Variants in TRPM3 observed in about 807,000 individuals in gnomAD.
TRPM3 encodes the protein transient receptor potential cation channel subfamily M member 3.
A neutral mutation model predicts 181.2 loss-of-function variants in TRPM3; 77 were observed. That is an observed-to-expected ratio of 0.42 (90% CI 0.35 to 0.51). TRPM3 has a LOEUF of 0.51. Ranked by LOEUF, TRPM3 falls within the 20% of genes least tolerant of loss-of-function variation. TRPM3 has a pLI of 0.01. For missense variants in TRPM3, 1,759 were observed against 2,196.7 expected, an observed-to-expected ratio of 0.80 and a Z score of 3.98; for synonymous variants, 745 against 796.4, an observed-to-expected ratio of 0.94 and a Z score of 1.09.
At position 70,537,028 on chromosome 9, in the gene TRPM3, A is replaced by G. The variant is rs1298160907; in HGVS notation, c.4085T>C (p.Ile1362Thr). ...YSVNMKDKGG[I>T]EKLESIFKER... ...TTTAAAAATACTTTCCAACTTTTCT[A>G]TACCACCTTTGTCTTTCATATTGAC... Residue 1362 changes from isoleucine to threonine, a missense_variant, in exon 26 of 26, where the codon ATA (isoleucine) becomes ACA (threonine). Physicochemically the swap from Ile to Thr is moderately conservative, Grantham distance 89 (BLOSUM62 -1). This residue lies in a region of TRPM3 where 612 missense variants were observed against 590.0 expected (regional missense o/e 1.04). Coordinates refer to ENST00000677713, the MANE Select transcript of TRPM3 (RefSeq NM_001366145.2). 3 of 1,610,842 alleles carry G rather than the reference A, an allele frequency of 1.9e-6. No individual in the cohort carries two copies. Among genetic ancestry groups the G allele is most frequent in the Non-Finnish European group, 2.5e-6 (3 of 1,177,212 alleles).
chr9:71,439,479 C>T (rs1253415710), intron 1 of TRPM3, among the ~76,000 whole-genome samples: 3 of 152,100 alleles, frequency 2.0e-5, no homozygotes, highest in African/African-American at 7.2e-5. Flanking sequence ...TGATGGAAGA[C>T]AATAAGATTC....
chr9:71,195,835 T>C (rs368462468), intron 1 of TRPM3, among the ~76,000 whole-genome samples: 1 of 152,092 alleles, frequency 6.6e-6, no homozygotes, highest in South Asian at 2.1e-4. Context: ...AGGGCCATTA[T>C]CCTTAGCAAG....
At chr9:71,400,769 G>T (rs559346060) in intron 1 of TRPM3, among the ~76,000 whole-genome samples, 1 of 150,832 alleles carries the variant, frequency 6.6e-6, no homozygotes, top group African/African-American at 2.4e-5. Context: ...TTAAGTGTAT[G>T]GCAATGTATT....
Position 70,625,144 on chromosome 9 carries a change from C to T in TRPM3, c.1809+47G>A, listed in dbSNP as rs759609783. On this transcript the variant is annotated intron_variant, in intron 14 of 25. Coordinates refer to ENST00000677713, the MANE Select transcript of TRPM3 (RefSeq NM_001366145.2). The surrounding 1 kb of genome is among the most constrained non-coding windows in gnomAD (Gnocchi z 4.8). The stretch of plus-strand genomic sequence containing the variant: ...AAGAAGCCACAACCCAAATCCCATA[C>T]ACCCTAGTCCTCCCAGGAAGGGCCC... The T allele has an allele frequency of 1.9e-6, 3 of 1,603,384 alleles. No homozygotes were observed. The highest frequency in any genetic ancestry group is 3.4e-5 in the Admixed American group (2 of 59,386).
Position 71,121,573 on chromosome 9 carries a change from C to T in TRPM3, c.-219G>A. On this transcript the variant is annotated 5_prime_UTR_variant, in exon 1 of 26. Coordinates refer to ENST00000677713, the MANE Select transcript of TRPM3 (RefSeq NM_001366145.2). Reference sequence around the variant, plus strand: ...GCACGATTTTGAAGAAGAGGGACAGCCTGCACAAAACAGCCTGTGGTCGGA... The same window carrying T: ...GCACGATTTTGAAGAAGAGGGACAGTCTGCACAAAACAGCCTGTGGTCGGA... 2.2e-6 allele frequency: 3 copies of T among 1,350,938 alleles called. No individual in the cohort carries two copies. Among genetic ancestry groups the T allele is most frequent in the Non-Finnish European group, 2.8e-6 (3 of 1,053,610 alleles). 83.7% of individuals were successfully genotyped at this position (1,350,938 alleles called of 1,614,324 possible).
intron 1 of TRPM3, among the ~76,000 whole-genome samples, chr9:70,878,144 T>C (rs968769412): frequency 1.3e-5 from 2 of 152,088 alleles, no homozygotes; most frequent in Non-Finnish European, 2.9e-5. Flanking sequence ...TGAAAGCGAA[T>C]TGTTATGAAA....
intron 18 of TRPM3, among the ~76,000 whole-genome samples, chr9:70,614,752 A>G (rs768593263): frequency 6.6e-6 from 1 of 152,200 alleles, no homozygotes; most frequent in African/African-American, 2.4e-5. Flanking sequence ...GCAAGTAGGT[A>G]ATGGGGCAGG....
intron 1 of TRPM3, among the ~76,000 whole-genome samples, chr9:70,912,789 G>C (rs976566871): frequency 2.6e-5 from 4 of 152,116 alleles, no homozygotes; most frequent in African/African-American, 9.7e-5. Flanking sequence ...TGGTATTTTA[G>C]ATTTGCCTCT....
In TRPM3 at chr9:71,032,080, TATATATATA is replaced by T. The variant is rs1223563654; in HGVS notation, c.177+89089_177+89097del. Among the ~76,000 whole-genome samples the T allele has an allele frequency of 5.4e-3, 25 of 4,670 alleles. 2 individuals carry two copies. Among genetic ancestry groups the T allele is most frequent in the African/African-American group, 0.027 (21 of 768 alleles). The allele number at this position is 4,670 out of a possible 152,430, so 3.1% of individuals were successfully genotyped here. A position where few individuals can be genotyped will look rare whatever the true frequency, so the allele number is the denominator to read the frequency against. The stretch of plus-strand genomic sequence containing the variant: ...ATATTATATATATTATATTATATTA[TATATATATA>T]ATTATATAATATTATATATATTATA... On this transcript the variant is annotated intron_variant, in intron 1 of 25. Transcript: ENST00000677713.
chr9:70,629,123 T>TGCTG (rs370121970), intron 12 of TRPM3, among the ~76,000 whole-genome samples: 2,669 of 149,746 alleles, frequency 0.018, 98 homozygotes, highest in African/African-American at 0.06. Flanking sequence ...AGCAAGCAGG[T>TGCTG]GCTGGGATCG....
intron 9 of TRPM3, among the ~76,000 whole-genome samples, chr9:70,653,797 A>G (rs2059919789): frequency 6.6e-6 from 1 of 152,034 alleles, no homozygotes; most frequent in Non-Finnish European, 1.5e-5. Flanking sequence ...GAAGGCTTCT[A>G]ACGACTTGAA....
intron 5 of TRPM3, among the ~76,000 whole-genome samples, chr9:70,841,086 A>G (rs890058506): frequency 6.6e-6 from 1 of 152,152 alleles, no homozygotes; most frequent in African/African-American, 2.4e-5. Context: ...TTTGGTGCTG[A>G]AAGCATTTTG....
chr9:70,909,798 GTTTT>G (rs1307103489), intron 1 of TRPM3, among the ~76,000 whole-genome samples: 1 of 152,140 alleles, frequency 6.6e-6, no homozygotes, highest in Non-Finnish European at 1.5e-5. Context: ...AGCAATTGTG[GTTTT>G]TGCCATTAAA....
chr9:71,131,605 C>A (rs1239596873), intron 1 of TRPM3, among the ~76,000 whole-genome samples: 3 of 152,132 alleles, frequency 2.0e-5, no homozygotes, highest in Non-Finnish European at 4.4e-5. Flanking sequence ...ATTTAGCATT[C>A]CTTATGGTGA....
At chr9:71,197,760 T>G (rs1191696490) in intron 1 of TRPM3, among the ~76,000 whole-genome samples, 55 of 145,764 alleles carry the variant, frequency 3.8e-4, no homozygotes, top group African/African-American at 1.3e-3. Context: ...CATTGTAGAT[T>G]CTGGATATTA....
At chr9:70,850,240 T>C (rs1253256683) in intron 3 of TRPM3, among the ~76,000 whole-genome samples, 1 of 152,172 alleles carries the variant, frequency 6.6e-6, no homozygotes, top group Non-Finnish European at 1.5e-5. Flanking sequence ...AACTTTCAGA[T>C]ATCTATCAAC....
At chr9:70,953,694 G>A (rs2097030841) in intron 1 of TRPM3, among the ~76,000 whole-genome samples, 1 of 152,154 alleles carries the variant, frequency 6.6e-6, no homozygotes, top group South Asian at 2.1e-4. Flanking sequence ...AAGGTAATGT[G>A]TGTACATATA....
At chr9:71,091,268 TG>T (rs2066168629) in intron 1 of TRPM3, among the ~76,000 whole-genome samples, 2 of 152,134 alleles carry the variant, frequency 1.3e-5, no homozygotes, top group Admixed American at 1.3e-4. Flanking sequence ...TTATGGTCTT[TG>T]TGGTGGTTAT....
At chr9:71,291,833 AC>A (rs2085841143) in intron 1 of TRPM3, among the ~76,000 whole-genome samples, 1 of 152,244 alleles carries the variant, frequency 6.6e-6, no homozygotes, top group East Asian at 1.9e-4. Context: ...GACCTGATGG[AC>A]AAATAAATCC....
Sources: allele counts gnomAD v4.1 joint callset (sites outside exome capture counted in the v4.1 genomes callset), GRCh38; gene constraint gnomAD v4.1.1; regional missense constraint gnomAD v4.1.1; non-coding constraint Gnocchi (gnomAD v3.1); transcripts MANE v1.5; gene names NCBI Gene and HGNC (gene_info 2026-07-23, HGNC 2026-07-21).